MAP9: variants seen among roughly 807,000 people sequenced by gnomAD.
The protein encoded by MAP9 is microtubule-associated protein 9.
Under a neutral mutation model 75.2 loss-of-function variants are expected in MAP9, and 80 were observed. That is an observed-to-expected ratio of 1.06 (90% CI 0.89 to 1.28). MAP9 has a LOEUF of 1.28. Among genes scored for constraint, MAP9 ranks in the 50% most tolerant of loss-of-function variants. The probability of loss-of-function intolerance (pLI) is 0.00; values close to 1 mark genes in which losing one functional copy is unlikely to be tolerated. For synonymous variants in MAP9, 235 were observed against 237.3 expected (o/e 0.99, Z 0.09); for missense variants, 753 against 719.9 (o/e 1.05, Z -0.53).
chr4:155,343,203 T>C lies in MAP9; in HGVS notation c.*4580A>G, dbSNP rs976974642. ...GTATTTGTATTTTATATATATTATG[T>C]ACATCATTATATATATATGCATACA... On this transcript the variant is annotated 3_prime_UTR_variant, in exon 14 of 14. Transcript: ENST00000311277. 1.3e-5 allele frequency: 1 copy of C among 76,076 alleles called. No individual in the cohort carries two copies. Among genetic ancestry groups the C allele is most frequent in the Non-Finnish European group, 2.2e-5 (1 of 46,344 alleles). The allele number at this position is 76,076 out of a possible 1,614,324, so 4.7% of individuals were successfully genotyped here.
At chr4:155,354,742 G>A (rs944234636) in intron 10 of MAP9, among the ~76,000 whole-genome samples, 4 of 152,180 alleles carry the variant, frequency 2.6e-5, no homozygotes, top group Admixed American at 6.5e-5. Flanking sequence ...TGGGATTACA[G>A]GCATGAGCCA....
chr4:155,370,766 A>G (rs72962343), intron 4 of MAP9, among the ~76,000 whole-genome samples: 4,839 of 152,326 alleles, frequency 0.032, 254 homozygotes, highest in African/African-American at 0.11. Flanking sequence ...GAACTTACGC[A>G]TCCCGCATGA....
In MAP9 at chr4:155,343,587, A is replaced by G. The variant is rs1222355968; in HGVS notation, c.*4196T>C. On this transcript the variant is annotated 3_prime_UTR_variant, in exon 14 of 14. Coordinates refer to ENST00000311277, the MANE Select transcript of MAP9 (RefSeq NM_001039580.2). ...ATGATTATTTTATCCTTAGCCCACA[A>G]ATAAAACTCACACCACATTTCCTAA... 1 of 151,864 alleles carries G rather than the reference A, an allele frequency of 6.6e-6. No homozygotes were observed. Among genetic ancestry groups the G allele is most frequent in the East Asian group, 1.9e-4 (1 of 5,192 alleles). 9.4% of individuals were successfully genotyped at this position (151,864 alleles called of 1,614,324 possible). A position where few individuals can be genotyped will look rare whatever the true frequency, so the allele number is the denominator to read the frequency against.
Position 155,342,980 on chromosome 4 carries a change from A to G in MAP9, c.*4803T>C, listed in dbSNP as rs901080668. On this transcript the variant is annotated 3_prime_UTR_variant, in exon 14 of 14. Transcript: ENST00000311277. ...CATATTATTTATCATATAATTTACC[A>G]TTTGTAAAGCAACAAATTGCCCATT... 6.6e-6 allele frequency: 1 copy of G among 152,022 alleles called. No individual in the cohort carries two copies. Among genetic ancestry groups the G allele is most frequent in the African/African-American group, 2.4e-5 (1 of 41,430 alleles). The allele number at this position is 152,022 out of a possible 1,614,324, so 9.4% of individuals were successfully genotyped here. A position where few individuals can be genotyped will look rare whatever the true frequency, so the allele number is the denominator to read the frequency against.
Position 155,371,286 on chromosome 4 carries a change from GAAA to G in MAP9, c.481+1847_481+1849del, listed in dbSNP as rs910985330. ...AAACATTGAGTTCCAAACCTGTACA[GAAA>G]AAAAAAAAGTCAAAGAATTTAGAGG... On this transcript the variant is annotated intron_variant, in intron 4 of 13. Coordinates refer to ENST00000311277, the MANE Select transcript of MAP9 (RefSeq NM_001039580.2). Among the ~76,000 whole-genome samples the G allele has an allele frequency of 2.8e-5, 4 of 141,152 alleles. No homozygotes were observed. In the South Asian group the frequency reaches 6.7e-4, roughly 24 times the overall value. 92.6% of individuals were successfully genotyped at this position (141,152 alleles called of 152,430 possible).
chr4:155,344,406 A>G lies in MAP9; in HGVS notation c.*3377T>C, dbSNP rs186043503. On this transcript the variant is annotated 3_prime_UTR_variant, in exon 14 of 14. Coordinates refer to ENST00000311277, the MANE Select transcript of MAP9 (RefSeq NM_001039580.2). The stretch of plus-strand genomic sequence containing the variant: ...CTCTAGATGTACCATAGTTAGTTGT[A>G]TGAGATTGGACAAGTCAAAGTACTT... 1 of 152,000 alleles carries G rather than the reference A, an allele frequency of 6.6e-6. No individual in the cohort carries two copies. The highest frequency in any genetic ancestry group is 1.5e-5 in the Non-Finnish European group (1 of 67,880). The allele number at this position is 152,000 out of a possible 1,614,324, so 9.4% of individuals were successfully genotyped here.
At position 155,353,319 on chromosome 4, in the gene MAP9, C is replaced by T; in HGVS notation, c.1402G>A (p.Glu468Lys). 2.5e-6 allele frequency: 4 copies of T among 1,575,092 alleles called. No homozygotes were observed. The highest frequency in any genetic ancestry group is 3.4e-6 in the Non-Finnish European group (4 of 1,168,162). ...CAGGCCTCAAATGATGCTAATGCTT[C>T]TTCTCTTTTAGCAGCTTTTTTCTAC... ...NEQKKAAKRE[E>K]ALASFEAWKA... The change falls in exon 11 of 14, where the codon GAA (glutamate) becomes AAA (lysine). Residue 468 changes from glutamate to lysine, a missense_variant. By Grantham distance (56) the Glu-to-Lys change is moderately conservative. Transcript: ENST00000311277.
In MAP9 at chr4:155,355,335, T is replaced by G. The variant is rs1190333000; in HGVS notation, c.1291-175A>C. ...TTGTGAATAAATTAATACAATCTTT[T>G]TCCTATGTACGCCTAACAACATCTC... On this transcript the variant is annotated intron_variant, in intron 9 of 13. Transcript: ENST00000311277. Among the ~76,000 whole-genome samples the G allele has an allele frequency of 2.6e-5, 4 of 152,128 alleles. No homozygotes were observed. In the East Asian group the frequency reaches 7.7e-4, roughly 29 times the overall value.
chr4:155,348,023 G>C, intron 13 of MAP9, 118 bp from the exon 14 acceptor site: 1 of 649,854 alleles, frequency 1.5e-6, no homozygotes, highest in South Asian at 2.5e-5. Context: ...TCACTTCCTA[G>C]TTTAACAGAT....
chr4:155,373,328 A>G lies in MAP9; in HGVS notation c.289T>C (p.Ser97Pro), dbSNP rs145507132. The stretch of plus-strand genomic sequence containing the variant: ...TCATCTTTGGTTATGTTACCGTTTG[A>G]TTTATTGGTTTTCAAAAACAATAGT... ...SKLLFLKTNK[S>P]NGNITKDEPV... Residue 97 changes from serine (S) to proline (P), a missense_variant, in exon 4 of 14, where the codon TCA becomes CCA. By Grantham distance (74) the Ser-to-Pro change is moderately conservative. Coordinates refer to ENST00000311277, the MANE Select transcript of MAP9 (RefSeq NM_001039580.2). 9.0e-4 allele frequency: 1,445 copies of G among 1,613,488 alleles called. 3 individuals carry two copies. Among genetic ancestry groups the G allele is most frequent in the Admixed American group, 1.3e-3 (79 of 59,950 alleles).
rs1376651390 is a variant in MAP9, at chr4:155,345,965, C to G, written c.*1818G>C. 2.6e-5 allele frequency: 4 copies of G among 152,092 alleles called. No homozygotes were observed. The highest frequency in any genetic ancestry group is 9.7e-5 in the African/African-American group (4 of 41,422). 9.4% of individuals were successfully genotyped at this position (152,092 alleles called of 1,614,324 possible). ...GGACACAGGAATGAGTAAGAGAGGT[C>G]CTAAATTCCATGCTGATACTACATA... On this transcript the variant is annotated 3_prime_UTR_variant, in exon 14 of 14. Coordinates refer to ENST00000311277, the MANE Select transcript of MAP9 (RefSeq NM_001039580.2).
rs1731297626 is a variant in MAP9, at chr4:155,346,649, T to C, written c.*1134A>G. The C allele has an allele frequency of 6.6e-6, 1 of 152,580 alleles. No individual in the cohort carries two copies. The highest frequency in any genetic ancestry group is 2.4e-5 in the African/African-American group (1 of 41,462). The allele number at this position is 152,580 out of a possible 1,614,324, so 9.5% of individuals were successfully genotyped here. A position where few individuals can be genotyped will look rare whatever the true frequency, so the allele number is the denominator to read the frequency against. ...ACCCTGAAAAGTTGTTGTAAAGATG[T>C]TAAATACATTTGTAAAGGTCCAGTA... On this transcript the variant is annotated 3_prime_UTR_variant, in exon 14 of 14. Transcript: ENST00000311277.
At chr4:155,348,004 A>C in intron 13 of MAP9, 99 bp from the exon 14 acceptor site, 1 of 735,984 alleles carries the variant, frequency 1.4e-6, no homozygotes, top group Non-Finnish European at 2.2e-6. Context: ...ATTATAGGAT[A>C]TTTATATATC....
chr4:155,355,569 T>C (rs1459052186), intron 9 of MAP9, 147 bp downstream of exon 9: 2 of 569,582 alleles, frequency 3.5e-6, no homozygotes, highest in Non-Finnish European at 5.6e-6. Context: ...TAAAATATGA[T>C]TACTCATGTA....
chr4:155,356,540 A>G (rs933254981), intron 8 of MAP9, among the ~76,000 whole-genome samples: 6 of 152,220 alleles, frequency 3.9e-5, no homozygotes, highest in Non-Finnish European at 8.8e-5. Flanking sequence ...GTAGGTTATA[A>G]TCACTCTTTT....
At chr4:155,361,329 T>A (rs531792883) in intron 6 of MAP9, 1 of 152,034 alleles carries the variant, frequency 6.6e-6, no homozygotes, top group Non-Finnish European at 1.5e-5. Context: ...TTGGGTATGT[T>A]TCCCTAAGTC....
Position 155,347,856 on chromosome 4 carries a change from T to C in MAP9, c.1871A>G (p.His624Arg). The change falls in exon 14 of 14, where the codon CAT becomes CGT. Residue 624 changes from histidine (H) to arginine (R), a missense_variant. Coordinates refer to ENST00000311277, the MANE Select transcript of MAP9 (RefSeq NM_001039580.2). ...AAGTGCCTCACTTTCAAGAAAGGAA[T>C]GACGTTTCTTCTGTTTTCGTTCAAT... ...ERIERKQKKR[H>R]SFLESEALPP... 6.3e-7 allele frequency: 1 copy of C among 1,595,548 alleles called. No homozygotes were observed. Among genetic ancestry groups the C allele is most frequent in the Non-Finnish European group, 8.6e-7 (1 of 1,165,568 alleles).
chr4:155,345,759 AAAT>A lies in MAP9; in HGVS notation c.*2021_*2023del, dbSNP rs775762319. On this transcript the variant is annotated 3_prime_UTR_variant, in exon 14 of 14. Coordinates refer to ENST00000311277, the MANE Select transcript of MAP9 (RefSeq NM_001039580.2). The stretch of plus-strand genomic sequence containing the variant: ...TAGAAGAAAATAATGGAAAGTAAAT[AAAT>A]AATGTGAAATCTATAAGATACACAT... 2 of 152,150 alleles carry A rather than the reference AAAT, an allele frequency of 1.3e-5. No individual in the cohort carries two copies. Among genetic ancestry groups the A allele is most frequent in the Non-Finnish European group, 2.9e-5 (2 of 68,012 alleles). 9.4% of individuals were successfully genotyped at this position (152,150 alleles called of 1,614,324 possible).
intron 5 of MAP9, chr4:155,362,654 G>A (rs1732143549): frequency 6.6e-6 from 1 of 152,122 alleles, no homozygotes; most frequent in Non-Finnish European, 1.5e-5. Context: ...ATGCACTTGA[G>A]TTTTCCTCAA....
Sources: allele counts gnomAD v4.1 joint callset (sites outside exome capture counted in the v4.1 genomes callset), GRCh38; gene constraint gnomAD v4.1.1; transcripts MANE v1.5; gene names NCBI Gene and HGNC (gene_info 2026-07-23, HGNC 2026-07-21).